The following OSBPL10 variants were observed in gnomAD, a reference collection of about 807,000 sequenced individuals.
OSBPL10 encodes the protein oxysterol binding protein like 10, also known as oxysterol-binding protein-related protein 10.
Under a neutral mutation model 81.7 loss-of-function variants are expected in OSBPL10, and 49 were observed. The ratio of observed to expected loss-of-function variants is 0.60; its 90% CI spans 0.48 to 0.76. The LOEUF is 0.76. OSBPL10 is among the 30% of genes least tolerant of loss of function. The probability of loss-of-function intolerance (pLI) is 0.00; values close to 1 mark genes in which losing one functional copy is unlikely to be tolerated. For synonymous variants in OSBPL10, 419 were observed against 383.6 expected, an observed-to-expected ratio of 1.09 and a Z score of -1.08; for missense variants, 923 against 987.8, an observed-to-expected ratio of 0.93 and a Z score of 0.88.
chr3:31,694,186 C>A (rs1695640471), intron 7 of OSBPL10, among the ~76,000 whole-genome samples: 2 of 152,118 alleles, frequency 1.3e-5, no homozygotes, highest in Admixed American at 1.3e-4. Flanking sequence ...GCCTGGCCAA[C>A]ATGGTGAAAC....
At chr3:32,006,080 G>A (rs975924993) in intron 2 of OSBPL10, among the ~76,000 whole-genome samples, 4 of 152,014 alleles carry the variant, frequency 2.6e-5, no homozygotes, top group Admixed American at 6.6e-5. Context: ...AAGTAGCTGC[G>A]ATTACAGATG....
intron 1 of OSBPL10, among the ~76,000 whole-genome samples, chr3:31,899,474 G>A (rs79335298): frequency 0.014 from 2,128 of 152,222 alleles, 21 homozygotes; most frequent in Middle Eastern, 0.027. Flanking sequence ...ATGTCCAAAC[G>A]TATTAATCAC....
At chr3:31,942,367 C>G (rs1364975338) in intron 1 of OSBPL10, among the ~76,000 whole-genome samples, 1 of 136,578 alleles carries the variant, frequency 7.3e-6, no homozygotes, top group Admixed American at 7.2e-5. Context: ...CATGGTGAAA[C>G]CCTGTCTCTA....
chr3:31,849,371 G>C (rs1477008380), intron 3 of OSBPL10, among the ~76,000 whole-genome samples: 1 of 152,182 alleles, frequency 6.6e-6, no homozygotes, highest in Non-Finnish European at 1.5e-5. Flanking sequence ...AATAGGATCT[G>C]AGTATATCTT....
At chr3:31,742,919 G>A (rs920005143) in intron 5 of OSBPL10, among the ~76,000 whole-genome samples, 1 of 151,570 alleles carries the variant, frequency 6.6e-6, no homozygotes, top group Non-Finnish European at 1.5e-5. Flanking sequence ...CAGATACCCA[G>A]TCCCCAGTCC....
chr3:31,893,667 T>C (rs1170446516), intron 1 of OSBPL10, among the ~76,000 whole-genome samples: 1 of 152,002 alleles, frequency 6.6e-6, no homozygotes, highest in Non-Finnish European at 1.5e-5. Flanking sequence ...AAATGTGGCA[T>C]ATCCATCCCA....
intron 2 of OSBPL10, among the ~76,000 whole-genome samples, chr3:32,026,059 ATAGATAGATAGATAG>A (rs1559551453): frequency 1.9e-4 from 17 of 87,402 alleles, no homozygotes; most frequent in African/African-American, 6.3e-4. Context: ...TAGATAGATG[ATAGATAGATAGATAG>A]ATAGATAGAT....
At chr3:31,978,395 A>G (rs2125501827) in intron 1 of OSBPL10, among the ~76,000 whole-genome samples, 1 of 152,366 alleles carries the variant, frequency 6.6e-6, no homozygotes, top group South Asian at 2.1e-4. Flanking sequence ...GTAGGTGCTC[A>G]ATAAAACAGT....
chr3:32,006,543 A>G (rs1404149863), intron 2 of OSBPL10, among the ~76,000 whole-genome samples: 1 of 152,192 alleles, frequency 6.6e-6, no homozygotes, highest in African/African-American at 2.4e-5. Flanking sequence ...TACCCCCAAA[A>G]AGATACTCTT....
intron 4 of OSBPL10, chr3:31,794,844 T>TG (rs1334489724): frequency 5.4e-6 from 2 of 372,596 alleles, no homozygotes; most frequent in East Asian, 8.8e-5. Flanking sequence ...GTGGGGCATG[T>TG]GGGAAAAAAC....
chr3:31,867,722 G>A (rs1051639608), intron 3 of OSBPL10, among the ~76,000 whole-genome samples: 19 of 141,546 alleles, frequency 1.3e-4, no homozygotes, highest in Middle Eastern at 3.5e-3. Context: ...CAGCCTGGGC[G>A]CAGAGTAAGA....
In OSBPL10 at chr3:32,025,945, T is replaced by C. The variant is rs185319262; in HGVS notation, n.298+20546A>G. 1.7e-3 allele frequency among the ~76,000 whole-genome samples: 258 copies of C among 152,198 alleles called. 3 individuals carry two copies. The highest frequency in any genetic ancestry group is 5.3e-3 in the African/African-American group (222 of 41,530). On this transcript the variant is annotated intron_variant and non_coding_transcript_variant, in intron 2 of 3. Coordinates refer to the OSBPL10 transcript ENST00000479173. ...TTGTGTGGATGGCTCAGACCTGCTCTGGTCTTTGCTATACATGCCAAAGTC... is the reference window on the plus strand; with the variant it reads ...TTGTGTGGATGGCTCAGACCTGCTCCGGTCTTTGCTATACATGCCAAAGTC...
At chr3:31,907,610 C>G (rs1201452921) in intron 1 of OSBPL10, among the ~76,000 whole-genome samples, 1 of 96,196 alleles carries the variant, frequency 1.0e-5, no homozygotes, top group Admixed American at 1.7e-4. Context: ...CTGGGTGAGA[C>G]CTCCATCTCA....
intron 8 of OSBPL10, among the ~76,000 whole-genome samples, chr3:31,672,431 A>G: frequency 2.9e-5 from 3 of 102,118 alleles, no homozygotes; most frequent in Admixed American, 1.1e-4. Context: ...ATAGGGAGAG[A>G]GAGAAGGAAG....
Position 32,062,080 on chromosome 3 carries a change from T to C in OSBPL10, n.185+15316A>G, listed in dbSNP as rs1226053776. On this transcript the variant is annotated intron_variant and non_coding_transcript_variant, in intron 1 of 3. Coordinates refer to the OSBPL10 transcript ENST00000479173. ...AGGTTCTCTTTAATCTATGGTATGG[T>C]TTATTGGTTTTTTGTTGTTGTTGTT... Among the ~76,000 whole-genome samples the C allele has an allele frequency of 4.5e-5, 2 of 44,630 alleles. 1 individual carries two copies. Among genetic ancestry groups the C allele is most frequent in the Non-Finnish European group, 1.7e-4 (2 of 11,730 alleles). The allele number at this position is 44,630 out of a possible 152,430, so 29.3% of individuals were successfully genotyped here.
In OSBPL10 at chr3:31,664,192, C is replaced by T; in HGVS notation, c.2137G>A (p.Asp713Asn). The T allele has an allele frequency of 1.2e-6, 2 of 1,613,040 alleles. No individual in the cohort carries two copies. The highest frequency in any genetic ancestry group is 8.5e-7 in the Non-Finnish European group (1 of 1,179,948). The change falls in exon 11 of 12, where the codon GAC (aspartate) becomes AAC (asparagine). Residue 713 changes from aspartate to asparagine, a missense_variant. Coordinates refer to ENST00000396556, the MANE Select transcript of OSBPL10 (RefSeq NM_017784.5). ...REVTRYLRLG[D>N]IDAATEQKRH... ...TTCTGCTCGGTGGCTGCGTCAATGT[C>T]CCCCAGCCGCAGGTATCGGGTCACC... is the stretch of plus-strand genomic sequence containing the variant.
At chr3:31,884,622 C>T (rs1242518892) in intron 1 of OSBPL10, among the ~76,000 whole-genome samples, 1 of 152,118 alleles carries the variant, frequency 6.6e-6, no homozygotes, top group South Asian at 2.1e-4. Flanking sequence ...GTTAGGAGCA[C>T]GCAGCTATAT....
chr3:31,856,694 A>G (rs917724151), intron 3 of OSBPL10, among the ~76,000 whole-genome samples: 3 of 152,264 alleles, frequency 2.0e-5, no homozygotes, highest in African/African-American at 7.2e-5. Context: ...AAGAAAATAA[A>G]ACAGCTTTAA....
At chr3:31,989,067 T>C in intron 2 of OSBPL10, 1 of 1,613,932 alleles carries the variant, frequency 6.2e-7, no homozygotes, top group Non-Finnish European at 8.5e-7. Flanking sequence ...GCACTATTGA[T>C]TTCTAAAGAC....
Sources: allele counts gnomAD v4.1 joint callset (sites outside exome capture counted in the v4.1 genomes callset), GRCh38; gene constraint gnomAD v4.1.1; transcripts MANE v1.5; gene names NCBI Gene and HGNC (gene_info 2026-07-23, HGNC 2026-07-21).